KCTD5: variants seen among roughly 807,000 people sequenced by gnomAD.
KCTD5 encodes the protein BTB/POZ domain-containing protein KCTD5.
Under a neutral mutation model 27.9 loss-of-function variants are expected in KCTD5, and 12 were observed. The ratio of observed to expected loss-of-function variants is 0.43; its 90% CI spans 0.28 to 0.70. KCTD5 has a LOEUF of 0.70. KCTD5 is among the 30% of genes least tolerant of loss of function. KCTD5 has a pLI of 0.19. For missense variants in KCTD5, 226 were observed against 274.8 expected (o/e 0.82, Z 1.26); for synonymous variants, 147 against 121.4 (o/e 1.21, Z -1.39).
At position 2,707,536 on chromosome 16, in the gene KCTD5, G is replaced by A. The variant is rs184336954; in HGVS notation, c.*209G>A. On this transcript the variant is annotated 3_prime_UTR_variant, in exon 6 of 6. Transcript: ENST00000301738. ...AGACGTCCCCAAGTTGGGGGAGCAC[G>A]GCGGCCGGGTGGGCGCTGCCTCTTG... 7.9e-4 allele frequency: 533 copies of A among 675,110 alleles called. 3 individuals carry two copies. Among genetic ancestry groups the A allele is most frequent in the African/African-American group, 7.7e-3 (432 of 55,978 alleles). The allele number at this position is 675,110 out of a possible 1,614,324, so 41.8% of individuals were successfully genotyped here. A position where few individuals can be genotyped will look rare whatever the true frequency, so the allele number is the denominator to read the frequency against.
At chr16:2,700,617 C>A (rs732057) in intron 4 of KCTD5, among the ~76,000 whole-genome samples, 6 of 152,070 alleles carry the variant, frequency 3.9e-5, no homozygotes, top group African/African-American at 1.4e-4. Context: ...GGACAGTGAC[C>A]TCACCCAGCC....
At chr16:2,696,611 C>G (rs1300427014) in intron 2 of KCTD5, among the ~76,000 whole-genome samples, 1 of 152,164 alleles carries the variant, frequency 6.6e-6, no homozygotes, top group Non-Finnish European at 1.5e-5. Flanking sequence ...CAGAACAGCT[C>G]GAGGCCTCGC....
At position 2,693,496 on chromosome 16, in the gene KCTD5, C is replaced by T. The variant is rs147868059; in HGVS notation, c.253-2439C>T. On this transcript the variant is annotated intron_variant, in intron 1 of 5. Transcript: ENST00000301738. ...CGGCAGCGGCCTACCCCTGCCTGCC[C>T]GTCTTGAGGCCGAGCCCAGTGCCAG... 7.5e-3 allele frequency among the ~76,000 whole-genome samples: 1,142 copies of T among 152,344 alleles called. 13 individuals carry two copies. The highest frequency in any genetic ancestry group is 0.026 in the African/African-American group (1,085 of 41,576).
intron 1 of KCTD5, among the ~76,000 whole-genome samples, chr16:2,692,688 C>T (rs1596222012): frequency 6.6e-6 from 1 of 152,360 alleles, no homozygotes; most frequent in East Asian, 1.9e-4. Flanking sequence ...CCTTCATGCC[C>T]TCCCTGGCCT....
chr16:2,683,435 G>A (rs1266408516), intron 1 of KCTD5: 1 of 152,212 alleles, frequency 6.6e-6, no homozygotes, highest in African/African-American at 2.4e-5. Context: ...CTTTAGGGAT[G>A]TCCAGGAAGG....
chr16:2,702,532 G>A lies in KCTD5; in HGVS notation c.675+54G>A, dbSNP rs918829284. ...GCAGTCTTGGGTGGGGAAGGCTCTT[G>A]CCCTCTCAGACCTTCCTCCTTTTCT... On this transcript the variant is annotated intron_variant, in intron 5 of 5. Coordinates refer to ENST00000301738, the MANE Select transcript of KCTD5 (RefSeq NM_018992.4). 66 of 1,593,350 alleles carry A rather than the reference G, an allele frequency of 4.1e-5. No individual in the cohort carries two copies. The Admixed American group carries it at 7.7e-4, about 19-fold the overall frequency.
Position 2,682,565 on chromosome 16 carries a change from G to C in KCTD5, c.17G>C (p.Cys6Ser). 1 of 1,414,574 alleles carries C rather than the reference G, an allele frequency of 7.1e-7. No homozygotes were observed. The highest frequency in any genetic ancestry group is 2.5e-4 in the Middle Eastern group (1 of 4,052). The allele number at this position is 1,414,574 out of a possible 1,614,324, so 87.6% of individuals were successfully genotyped here. Residue 6 changes from cysteine (C) to serine (S), a missense_variant, in exon 1 of 6, where the codon TGC becomes TCC. Around this residue, in one of 2 missense-constraint regions of KCTD5, gnomAD observed 91 missense variants for 67.8 expected, o/e 1.34. Coordinates refer to ENST00000301738, the MANE Select transcript of KCTD5 (RefSeq NM_018992.4). The part of the protein sequence containing the change: MAENH[C>S]ELLSPARGGI... ...GCTGGGATCATGGCGGAGAATCACT[G>C]CGAGCTCCTGTCGCCGGCCCGGGGC... is the stretch of plus-strand genomic sequence containing the variant.
intron 5 of KCTD5, among the ~76,000 whole-genome samples, chr16:2,703,699 C>T (rs764174016): frequency 1.8e-4 from 27 of 152,318 alleles, no homozygotes; most frequent in Middle Eastern, 3.4e-3. Flanking sequence ...GAGCCTCCCT[C>T]GCTGGCCACC....
intron 5 of KCTD5, among the ~76,000 whole-genome samples, chr16:2,706,245 A>G (rs1157858094): frequency 1.3e-5 from 2 of 152,154 alleles, no homozygotes; most frequent in Admixed American, 6.5e-5. Flanking sequence ...CGTGGCCTCC[A>G]GGAGCCTTCG....
chr16:2,688,025 G>C (rs1270603044), intron 1 of KCTD5, among the ~76,000 whole-genome samples: 3 of 151,746 alleles, frequency 2.0e-5, no homozygotes, highest in African/African-American at 7.3e-5. Context: ...CTTATGACTT[G>C]GGGTGATTTC....
At chr16:2,706,889 G>A (rs150457497) in intron 5 of KCTD5, among the ~76,000 whole-genome samples, 2 of 150,836 alleles carry the variant, frequency 1.3e-5, no homozygotes, top group Non-Finnish European at 3.0e-5. Context: ...GGGTCCGGGC[G>A]TCGGGGTGGG....
rs748017690 is a variant in KCTD5 at position 2,693,003 on chromosome 16, C to G, written c.253-2932C>G. On this transcript the variant is annotated intron_variant, in intron 1 of 5. Transcript: ENST00000301738. ...GTCTGCAGCCATAGTTTGGGTGGGG[C>G]GAACCCCAGGGCTGCAGCCCCAGGC... Among the ~76,000 whole-genome samples, 3 of 152,210 alleles carry G rather than the reference C, an allele frequency of 2.0e-5. No homozygotes were observed. The East Asian group carries it at 5.8e-4, about 29-fold the overall frequency.
At chr16:2,696,651 C>T (rs1057371576) in intron 2 of KCTD5, among the ~76,000 whole-genome samples, 32 of 152,314 alleles carry the variant, frequency 2.1e-4, no homozygotes, top group African/African-American at 3.6e-4. Context: ...TGGGCACCTG[C>T]GTGCGGGCGT....
intron 4 of KCTD5, among the ~76,000 whole-genome samples, chr16:2,700,344 C>G (rs1173088992): frequency 6.6e-6 from 1 of 152,246 alleles, no homozygotes; most frequent in Non-Finnish European, 1.5e-5. Flanking sequence ...CCCGCCCATG[C>G]TGGAAGGTGC....
intron 5 of KCTD5, among the ~76,000 whole-genome samples, chr16:2,703,250 A>G (rs1206320307): frequency 6.6e-6 from 1 of 152,154 alleles, no homozygotes. Context: ...CCATCCAAGC[A>G]GAATCTGACC....
At chr16:2,697,013 C>T (rs1397878597) in intron 2 of KCTD5, among the ~76,000 whole-genome samples, 1 of 152,236 alleles carries the variant, frequency 6.6e-6, no homozygotes, top group Non-Finnish European at 1.5e-5. Flanking sequence ...CAAGGCCCTG[C>T]CGCCCAGGCT....
chr16:2,683,602 CTTTA>C (rs2067527958), intron 1 of KCTD5: 2 of 148,008 alleles, frequency 1.4e-5, no homozygotes, highest in South Asian at 4.4e-4. Context: ...CTTTTGCTAC[CTTTA>C]TTTATCAAGA....
At chr16:2,691,452 C>T (rs567697235) in intron 1 of KCTD5, among the ~76,000 whole-genome samples, 76 of 152,334 alleles carry the variant, frequency 5.0e-4, no homozygotes, top group African/African-American at 1.8e-3. Context: ...TGGTGCCCGG[C>T]GGCTCAGCTG....
intron 5 of KCTD5, among the ~76,000 whole-genome samples, chr16:2,703,316 G>C (rs1361210860): frequency 1.3e-5 from 2 of 152,164 alleles, no homozygotes; most frequent in African/African-American, 4.8e-5. Context: ...CCAGGTGGTG[G>C]CTGGAGAGCT....
Sources: gnomAD v4.1 joint callset for allele counts (sites outside exome capture counted in the v4.1 genomes callset) on GRCh38, gnomAD v4.1.1 for gene constraint, gnomAD v4.1.1 regional missense constraint, MANE v1.5 for transcripts, NCBI Gene and HGNC (gene_info 2026-07-23, HGNC 2026-07-21) for gene names.